Variants in LRMDA observed in about 807,000 individuals in gnomAD.
The protein encoded by LRMDA is leucine rich melanocyte differentiation associated, also known as leucine-rich melanocyte differentiation-associated protein.
LRMDA carries 18 observed loss-of-function variants against 29.8 expected under a neutral mutation model. The ratio of observed to expected loss-of-function variants is 0.60; its 90% CI spans 0.42 to 0.90. LRMDA has a LOEUF of 0.90. LRMDA is among the 40% of genes least tolerant of loss of function. LRMDA has a pLI of 0.00. For synonymous variants in LRMDA, 125 were observed against 109.4 expected (o/e 1.14, Z -0.89); for missense variants, 273 against 273.9 (o/e 1.00, Z 0.02).
chr10:76,021,336 C>T (rs1273251279), intron 2 of LRMDA, among the ~76,000 whole-genome samples: 2 of 152,294 alleles, frequency 1.3e-5, no homozygotes, highest in African/African-American at 4.8e-5. Context: ...AGACACACTA[C>T]TCAATCTTTC....
chr10:75,761,673 C>A (rs558163085), intron 2 of LRMDA, among the ~76,000 whole-genome samples: 1 of 151,890 alleles, frequency 6.6e-6, no homozygotes, highest in South Asian at 2.1e-4. Flanking sequence ...TGTAAAAATA[C>A]TTATAATGGT....
chr10:76,232,879 T>A (rs1311683800), intron 5 of LRMDA, among the ~76,000 whole-genome samples: 1 of 151,910 alleles, frequency 6.6e-6, no homozygotes, highest in Admixed American at 6.6e-5. Flanking sequence ...GAATGGGGAG[T>A]GTGTGCTGAT....
At chr10:76,243,273 A>G (rs928333095) in intron 5 of LRMDA, among the ~76,000 whole-genome samples, 7 of 152,244 alleles carry the variant, frequency 4.6e-5, no homozygotes, top group African/African-American at 1.7e-4. Flanking sequence ...AGAGATCATT[A>G]TAAAGAGAAA....
intron 2 of LRMDA, among the ~76,000 whole-genome samples, chr10:75,893,766 T>C (rs1385721133): frequency 6.6e-6 from 1 of 152,018 alleles, no homozygotes; most frequent in Admixed American, 6.6e-5. Context: ...AAACCCCATC[T>C]CTACTAAAAA....
chr10:76,507,386 A>G (rs1441255643), intron 6 of LRMDA, among the ~76,000 whole-genome samples: 1 of 150,930 alleles, frequency 6.6e-6, no homozygotes, highest in Non-Finnish European at 1.5e-5. Context: ...ATTTTCTCCT[A>G]TTTTGTAGGT....
chr10:75,684,261 A>C (rs1274634649), intron 2 of LRMDA, among the ~76,000 whole-genome samples: 1 of 152,212 alleles, frequency 6.6e-6, no homozygotes, highest in East Asian at 1.9e-4. Context: ...CTTTAAGCTT[A>C]GTAGACCCTG....
intron 2 of LRMDA, among the ~76,000 whole-genome samples, chr10:75,487,117 T>TG (rs1383664185): frequency 1.3e-5 from 2 of 152,176 alleles, no homozygotes; most frequent in African/African-American, 4.8e-5. Flanking sequence ...AAATGATGTG[T>TG]GGTTGGTAGG....
intron 5 of LRMDA, among the ~76,000 whole-genome samples, chr10:76,284,158 T>C (rs1222800180): frequency 6.6e-6 from 1 of 152,164 alleles, no homozygotes; most frequent in Non-Finnish European, 1.5e-5. Context: ...ATGTCCTAAT[T>C]CTTAGAAACT....
chr10:75,581,494 G>A (rs1840590795), intron 2 of LRMDA, among the ~76,000 whole-genome samples: 1 of 152,106 alleles, frequency 6.6e-6, no homozygotes. Context: ...CAACCATTGT[G>A]GAAGACAGTG....
intron 6 of LRMDA, among the ~76,000 whole-genome samples, chr10:76,529,959 G>A (rs1232431762): frequency 6.6e-6 from 1 of 152,102 alleles, no homozygotes; most frequent in Non-Finnish European, 1.5e-5. Context: ...GAAAGTCTTT[G>A]AGGCCAAGCA....
chr10:76,336,236 T>C (rs566273140), intron 6 of LRMDA, among the ~76,000 whole-genome samples: 1 of 149,816 alleles, frequency 6.7e-6, no homozygotes, highest in South Asian at 2.1e-4. Flanking sequence ...GGGTTCTCTA[T>C]GTCAGTGCTG....
intron 5 of LRMDA, among the ~76,000 whole-genome samples, chr10:76,193,836 AGGCCT>A (rs1851287738): frequency 6.6e-6 from 1 of 152,180 alleles, no homozygotes; most frequent in African/African-American, 2.4e-5. Flanking sequence ...GTATAAGGAG[AGGCCT>A]GCAGCAGGAG....
intron 3 of LRMDA, among the ~76,000 whole-genome samples, chr10:76,042,276 A>C (rs1368638932): frequency 5.9e-5 from 9 of 152,210 alleles, no homozygotes; most frequent in Admixed American, 1.3e-4. Context: ...AGTATCATTT[A>C]TAGTAGGTAG....
At chr10:75,670,037 A>G (rs1841872139) in intron 2 of LRMDA, among the ~76,000 whole-genome samples, 1 of 152,198 alleles carries the variant, frequency 6.6e-6, no homozygotes, top group South Asian at 2.1e-4. Flanking sequence ...GTTTCCATTC[A>G]TTGAAAGCAA....
rs144248122 is a variant in LRMDA at position 75,571,108 on chromosome 10, A to G, written c.131+132614A>G. On this transcript the variant is annotated intron_variant, in intron 2 of 6. Coordinates refer to ENST00000611255, the MANE Select transcript of LRMDA (RefSeq NM_001305581.2). ...TTGACCCCATGGTTTGGGCTACTGCATGGGAGGTGTTCAGATCTGCCATCT... is the reference window on the plus strand; with the variant it reads ...TTGACCCCATGGTTTGGGCTACTGCGTGGGAGGTGTTCAGATCTGCCATCT... 1.3e-3 allele frequency among the ~76,000 whole-genome samples: 196 copies of G among 152,260 alleles called. 2 individuals carry two copies. In the South Asian group the frequency reaches 0.015, roughly 12 times the overall value.
chr10:75,888,678 C>A (rs188101321), intron 2 of LRMDA, among the ~76,000 whole-genome samples: 2 of 152,096 alleles, frequency 1.3e-5, no homozygotes, highest in African/African-American at 4.8e-5. Flanking sequence ...CAATTAACAC[C>A]CACTTGATTA....
intron 2 of LRMDA, among the ~76,000 whole-genome samples, chr10:75,966,335 T>C (rs948768583): frequency 4.6e-5 from 7 of 152,184 alleles, no homozygotes; most frequent in African/African-American, 7.2e-5. Flanking sequence ...TTTCTTCATC[T>C]GTAAAATGAG....
intron 6 of LRMDA, among the ~76,000 whole-genome samples, chr10:76,428,555 G>C (rs75272816): frequency 6.6e-6 from 1 of 152,274 alleles, no homozygotes; most frequent in East Asian, 1.9e-4. Context: ...AGAAAACACA[G>C]AGACTTGGCC....
Position 76,285,840 on chromosome 10 carries a change from T to C in LRMDA, c.517-38561T>C, listed in dbSNP as rs778350859. ...TAAAAGTTAATTGAATTTAATTTTATGTTTTAAGTGTGATGCATTTTAAAG... is the reference window on the plus strand; with the variant it reads ...TAAAAGTTAATTGAATTTAATTTTACGTTTTAAGTGTGATGCATTTTAAAG... On this transcript the variant is annotated intron_variant, in intron 5 of 6. Transcript: ENST00000611255. Among the ~76,000 whole-genome samples, 26 of 152,230 alleles carry C rather than the reference T, an allele frequency of 1.7e-4. 1 individual carries two copies. The highest frequency in any genetic ancestry group is 3.4e-4 in the Non-Finnish European group (23 of 68,036).
Sources: gnomAD v4.1 joint callset for allele counts (sites outside exome capture counted in the v4.1 genomes callset) on GRCh38, gnomAD v4.1.1 for gene constraint, MANE v1.5 for transcripts, NCBI Gene and HGNC (gene_info 2026-07-23, HGNC 2026-07-21) for gene names.